HNRNPA1L3: variants seen among roughly 807,000 people sequenced by gnomAD.
HNRNPA1L3 encodes heterogeneous nuclear ribonucleoprotein A1-like 3.
the HNRNPA1L3 span, chr16:51,646,234 C>T: frequency 1.9e-6 from 3 of 1,596,656 alleles, no homozygotes; most frequent in Middle Eastern, 2.2e-4. Context: ...TCATGACTGA[C>T]AGAGGCAGTG....
chr16:51,646,602 AT>A, the HNRNPA1L3 span: 3 of 1,591,440 alleles, frequency 1.9e-6, no homozygotes, highest in African/African-American at 2.7e-5. Context: ...AGCTACAATG[AT>A]TTTGGCAATT....
At chr16:51,646,937 A>G in the HNRNPA1L3 span, 3 of 736,490 alleles carry the variant, frequency 4.1e-6, no homozygotes, top group South Asian at 4.5e-5. Flanking sequence ...GTATAGGCAA[A>G]AAACTCGAGG....
At chr16:51,646,522 T>G in the HNRNPA1L3 span, 1 of 1,597,412 alleles carries the variant, frequency 6.3e-7, no homozygotes, top group Non-Finnish European at 8.5e-7. Context: ...GTGGTGGTGG[T>G]GGATATGGTG....
the HNRNPA1L3 span, chr16:51,646,836 A>G: frequency 7.1e-7 from 1 of 1,416,140 alleles, no homozygotes; most frequent in Non-Finnish European, 9.8e-7. Flanking sequence ...GGGAAGCTAC[A>G]GGTTACAACA....
the HNRNPA1L3 span, chr16:51,647,075 T>A: frequency 8.2e-6 from 3 of 365,088 alleles, no homozygotes; most frequent in African/African-American, 6.4e-5. Context: ...GATTGCTAAA[T>A]GTAATAGTCT....
the HNRNPA1L3 span, chr16:51,646,507 C>T: frequency 1.3e-6 from 2 of 1,597,806 alleles, no homozygotes; most frequent in Non-Finnish European, 1.7e-6. Flanking sequence ...GCTTTGGTGG[C>T]AGCCGTGGTG....
chr16:51,647,026 T>A, the HNRNPA1L3 span: 3 of 563,050 alleles, frequency 5.3e-6, no homozygotes, highest in Non-Finnish European at 6.3e-6. Context: ...CAACAAAGGG[T>A]TTTAATGTAG....
the HNRNPA1L3 span, chr16:51,646,361 T>C: frequency 6.5e-7 from 1 of 1,537,288 alleles, no homozygotes; most frequent in Middle Eastern, 2.3e-4. Flanking sequence ...AAAAGCCCTG[T>C]CAAAGCAAGA....
chr16:51,646,725 G>T, the HNRNPA1L3 span: 1 of 1,598,620 alleles, frequency 6.3e-7, no homozygotes, highest in Admixed American at 1.7e-5. Context: ...CGAAACCAAG[G>T]TGGCTATGGC....
chr16:51,646,828 G>A, the HNRNPA1L3 span: 14 of 1,469,700 alleles, frequency 9.5e-6, no homozygotes, highest in Non-Finnish European at 1.3e-5. Context: ...AAGTGACAGG[G>A]AAGCTACAGG....
the HNRNPA1L3 span, chr16:51,645,940 G>A: frequency 4.8e-5 from 77 of 1,606,168 alleles, no homozygotes; most frequent in South Asian, 2.7e-4. Context: ...GAACGCTCAC[G>A]GACTGTGTGG....
At chr16:51,646,671 G>A in the HNRNPA1L3 span, 88 of 1,598,490 alleles carry the variant, frequency 5.5e-5, 1 homozygote, top group East Asian at 1.6e-3. Flanking sequence ...GAAGGCAGAA[G>A]CTCTGGCCCC....
the HNRNPA1L3 span, chr16:51,645,973 G>T: frequency 1.2e-6 from 2 of 1,604,224 alleles, no homozygotes; most frequent in Non-Finnish European, 1.7e-6. Context: ...CAAACACGAA[G>T]CGCTCCAGGG....
At chr16:51,646,516 T>A in the HNRNPA1L3 span, 3 of 1,597,590 alleles carry the variant, frequency 1.9e-6, no homozygotes, top group Non-Finnish European at 2.5e-6. Context: ...GCAGCCGTGG[T>A]GGTGGTGGAT....
the HNRNPA1L3 span, chr16:51,645,800 T>C: frequency 3.7e-6 from 6 of 1,608,028 alleles, no homozygotes; most frequent in Non-Finnish European, 5.1e-6. Context: ...CGTTAAAGTC[T>C]CTCTTCACCC....
chr16:51,646,873 G>A, the HNRNPA1L3 span: 3 of 957,006 alleles, frequency 3.1e-6, no homozygotes, highest in Middle Eastern at 3.1e-4. Flanking sequence ...CAAGCACAGT[G>A]GTGGCAGGGC....
At chr16:51,646,810 A>G in the HNRNPA1L3 span, 25 of 1,551,896 alleles carry the variant, frequency 1.6e-5, 1 homozygote, top group East Asian at 5.6e-4. Context: ...AGGAGAGGAG[A>G]GCCAGAGAAG....
chr16:51,646,905 T>C, the HNRNPA1L3 span: 2 of 788,696 alleles, frequency 2.5e-6, no homozygotes, highest in East Asian at 2.7e-5. Context: ...AAAGAAGACA[T>C]GTTTTAGACA....
At chr16:51,646,985 G>C in the HNRNPA1L3 span, 1 of 610,014 alleles carries the variant, frequency 1.6e-6, no homozygotes, top group Non-Finnish European at 2.9e-6. Flanking sequence ...GGTTATTTTA[G>C]TTTCTGTTCT....
Sources: allele counts gnomAD v4.1 joint callset, GRCh38; gene constraint gnomAD v4.1.1; transcripts MANE v1.5; gene names NCBI Gene and HGNC (gene_info 2026-07-23, HGNC 2026-07-21).